FAM171A1: variants seen among roughly 807,000 people sequenced by gnomAD.
FAM171A1 encodes the protein family with sequence similarity 171 member A1.
In FAM171A1, 23 loss-of-function variants were observed where a neutral mutation model predicts 74.9. The ratio of observed to expected loss-of-function variants is 0.31; its 90% CI spans 0.22 to 0.44. FAM171A1 has a LOEUF of 0.44. Ranked by LOEUF, FAM171A1 falls within the 20% of genes least tolerant of loss-of-function variation. FAM171A1 has a pLI of 1.00. For missense variants in FAM171A1, 1,162 were observed against 1,159.2 expected (o/e 1.00, Z -0.03); for synonymous variants, 527 against 505.7 (o/e 1.04, Z -0.57).
chr10:15,351,228 T>C (rs763701333), intron 1 of FAM171A1, among the ~76,000 whole-genome samples: 3 of 152,340 alleles, frequency 2.0e-5, no homozygotes, highest in Non-Finnish European at 2.9e-5. Flanking sequence ...ATGTGAACTA[T>C]GCTTTGTGAG....
intron 1 of FAM171A1, among the ~76,000 whole-genome samples, chr10:15,314,837 A>C (rs1358185223): frequency 6.6e-6 from 1 of 152,136 alleles, no homozygotes; most frequent in Non-Finnish European, 1.5e-5. Context: ...CCCAGGAATG[A>C]CTTCCAAGCC....
At chr10:15,296,824 C>T (rs767095613) in intron 1 of FAM171A1, among the ~76,000 whole-genome samples, 4 of 148,618 alleles carry the variant, frequency 2.7e-5, no homozygotes, top group Admixed American at 6.9e-5. Flanking sequence ...TCATTGGAGA[C>T]GCATGGAAGA....
chr10:15,213,915 C>A lies in FAM171A1; in HGVS notation c.1673G>T (p.Gly558Val). Residue 558 changes from glycine (G) to valine (V), a missense_variant, in exon 8 of 8, where the codon GGC (glycine) becomes GTC (valine). Transcript: ENST00000378116. The surrounding 1 kb of genome is among the most constrained non-coding windows in gnomAD (Gnocchi z 6.8). ...LERPTSFPRP[G>V]QLICCSSVDQ... Reference sequence around the variant, plus strand: ...GACAGAACTGCAGCAGATTAACTGGCCGGGCCGTGGGAAGGACGTAGGTCT... The same window carrying A: ...GACAGAACTGCAGCAGATTAACTGGACGGGCCGTGGGAAGGACGTAGGTCT... 6.2e-7 allele frequency: 1 copy of A among 1,614,180 alleles called. No individual in the cohort carries two copies. Among genetic ancestry groups the A allele is most frequent in the South Asian group, 1.1e-5 (1 of 91,088 alleles).
In FAM171A1 at chr10:15,248,743, G is replaced by A. The variant is rs1452363039; in HGVS notation, c.650C>T (p.Pro217Leu). The A allele has an allele frequency of 7.4e-6, 12 of 1,613,628 alleles. No homozygotes were observed. Among genetic ancestry groups the A allele is most frequent in the African/African-American group, 1.3e-5 (1 of 74,904 alleles). The change falls in exon 5 of 8, where the codon CCG becomes CTG. Residue 217 changes from proline (P) to leucine (L), a missense_variant. Physicochemically the swap from Pro to Leu is moderately conservative, Grantham distance 98. Transcript: ENST00000378116. ...ATAGATGGGACCATCCACCAGCACC[G>A]GCGTTCCATTACTGCTCAGCAAGTG... is the stretch of plus-strand genomic sequence containing the variant. ...SVHLLSSNGT[P>L]VLVDGPIYVT... is the part of the protein sequence containing the mutation.
At chr10:15,309,939 A>C (rs10796276) in intron 1 of FAM171A1, among the ~76,000 whole-genome samples, 47,147 of 152,118 alleles carry the variant, frequency 0.31, 8,775 homozygotes, top group East Asian at 0.69. Flanking sequence ...AGATATGTTT[A>C]ATTTCTAACC....
intron 1 of FAM171A1, among the ~76,000 whole-genome samples, chr10:15,325,126 T>C (rs1327711288): frequency 6.6e-6 from 1 of 152,180 alleles, no homozygotes; most frequent in African/African-American, 2.4e-5. Flanking sequence ...TATGTCCTCT[T>C]TGGTGCAAAA....
At chr10:15,292,235 T>G (rs1835110761) in intron 1 of FAM171A1, among the ~76,000 whole-genome samples, 1 of 152,106 alleles carries the variant, frequency 6.6e-6, no homozygotes, top group African/African-American at 2.4e-5. Flanking sequence ...ACCTTCACCT[T>G]GGGGGTTAAG....
At chr10:15,356,065 C>A (rs1430122127) in intron 1 of FAM171A1, among the ~76,000 whole-genome samples, 1 of 152,006 alleles carries the variant, frequency 6.6e-6, no homozygotes, top group Admixed American at 6.6e-5. Flanking sequence ...TGGATTAAGA[C>A]ATTATTGAAA....
rs1163558100 is a variant in FAM171A1, at chr10:15,338,568, A to T, written c.97+32388T>A. ...CCTGAAATAAAAGGAGACCCAGGAC[A>T]TTTGTGAGGAATATAGTCTCATAGT... On this transcript the variant is annotated intron_variant, in intron 1 of 7. Coordinates refer to ENST00000378116, the MANE Select transcript of FAM171A1 (RefSeq NM_001010924.2). Among the ~76,000 whole-genome samples the T allele has an allele frequency of 2.6e-5, 4 of 152,312 alleles. No individual in the cohort carries two copies. In the East Asian group the frequency reaches 7.7e-4, roughly 29 times the overall value.
chr10:15,342,312 G>A (rs558705847), intron 1 of FAM171A1, among the ~76,000 whole-genome samples: 67 of 152,194 alleles, frequency 4.4e-4, no homozygotes, highest in Non-Finnish European at 8.8e-4. Flanking sequence ...GCTCACGCCT[G>A]TAATCCCAGC....
chr10:15,296,323 T>C, intron 1 of FAM171A1, among the ~76,000 whole-genome samples: 1 of 152,230 alleles, frequency 6.6e-6, no homozygotes, highest in East Asian at 1.9e-4. Context: ...AATCTATATG[T>C]TATGTAACAT....
chr10:15,252,083 C>T (rs546571243), intron 4 of FAM171A1, among the ~76,000 whole-genome samples: 1 of 152,238 alleles, frequency 6.6e-6, no homozygotes, highest in Admixed American at 6.5e-5. Context: ...ATTTTATTGA[C>T]TCTTCTCTGT....
chr10:15,237,682 C>T (rs1425086532), intron 5 of FAM171A1: 2 of 152,192 alleles, frequency 1.3e-5, no homozygotes, highest in African/African-American at 4.8e-5. Context: ...AAAGTTTTCA[C>T]TGAACTGTCA....
At chr10:15,293,458 C>G in intron 1 of FAM171A1, among the ~76,000 whole-genome samples, 1 of 151,932 alleles carries the variant, frequency 6.6e-6, no homozygotes, top group Middle Eastern at 3.2e-3. Flanking sequence ...AGACATGCCT[C>G]CTGTTTTTAA....
intron 1 of FAM171A1, among the ~76,000 whole-genome samples, chr10:15,330,710 CTTCTT>C (rs1437782221): frequency 5.8e-5 from 4 of 69,514 alleles, no homozygotes; most frequent in Admixed American, 2.4e-4. Flanking sequence ...TTTTCTTCTT[CTTCTT>C]TTTTTTTTTT....
At chr10:15,368,339 C>T (rs1836091671) in intron 1 of FAM171A1, among the ~76,000 whole-genome samples, 1 of 152,146 alleles carries the variant, frequency 6.6e-6, no homozygotes, top group South Asian at 2.1e-4. Flanking sequence ...GACATAAAGA[C>T]TCATTTAATC....
chr10:15,267,473 C>T (rs1834760470), intron 3 of FAM171A1, among the ~76,000 whole-genome samples: 1 of 151,854 alleles, frequency 6.6e-6, no homozygotes, highest in African/African-American at 2.4e-5. Flanking sequence ...TGCAGTGGCA[C>T]GTGTGTGTAG....
At position 15,213,879 on chromosome 10, in the gene FAM171A1, T is replaced by C. The variant is rs771781897; in HGVS notation, c.1709A>G (p.Asn570Ser). The change falls in exon 8 of 8, where the codon AAT becomes AGT. Residue 570 changes from asparagine to serine, a missense_variant. Physicochemically the swap from Asn to Ser is conservative, Grantham distance 46. Coordinates refer to ENST00000378116, the MANE Select transcript of FAM171A1 (RefSeq NM_001010924.2). This position sits in a 1 kb window ranked among gnomAD's most constrained non-coding sequence, Gnocchi z 6.8. ...CAGTACTTTCCTGTAAACGCTGTCATTGACCTGGTCGACAGAACTGCAGCA... is the reference window on the plus strand; with the variant it reads ...CAGTACTTTCCTGTAAACGCTGTCACTGACCTGGTCGACAGAACTGCAGCA... ...LICCSSVDQV[N>S]DSVYRKVLPA... 3.1e-6 allele frequency: 5 copies of C among 1,614,038 alleles called. No individual in the cohort carries two copies. Among genetic ancestry groups the C allele is most frequent in the African/African-American group, 1.3e-5 (1 of 74,924 alleles).
Position 15,362,462 on chromosome 10 carries a change from T to C in FAM171A1, c.97+8494A>G, listed in dbSNP as rs1477847059. On this transcript the variant is annotated intron_variant, in intron 1 of 7. Coordinates refer to ENST00000378116, the MANE Select transcript of FAM171A1 (RefSeq NM_001010924.2). Reference sequence around the variant, plus strand: ...GGCTCACACCTATAATCCCAGCACTTTGGGAGGCTGAGGTGGGTGGGTCAC... The same window carrying C: ...GGCTCACACCTATAATCCCAGCACTCTGGGAGGCTGAGGTGGGTGGGTCAC... 2.0e-5 allele frequency among the ~76,000 whole-genome samples: 3 copies of C among 152,168 alleles called. No individual in the cohort carries two copies. In the East Asian group the frequency reaches 5.8e-4, roughly 29 times the overall value.
Sources: allele counts gnomAD v4.1 joint callset (sites outside exome capture counted in the v4.1 genomes callset), GRCh38; gene constraint gnomAD v4.1.1; non-coding constraint Gnocchi (gnomAD v3.1); transcripts MANE v1.5; gene names NCBI Gene and HGNC (gene_info 2026-07-23, HGNC 2026-07-21).